ARMC2: variants seen among roughly 807,000 people sequenced by gnomAD.
ARMC2 encodes armadillo repeat-containing protein 2.
A neutral mutation model predicts 90.3 loss-of-function variants in ARMC2; 67 were observed. That is an observed-to-expected ratio of 0.74 (90% CI 0.61 to 0.91). The LOEUF is 0.91. Ranked by LOEUF, ARMC2 falls within the 40% of genes least tolerant of loss-of-function variation. The pLI, the probability that ARMC2 is intolerant of heterozygous loss-of-function variation, is 0.00. For missense variants in ARMC2, 920 were observed against 1,030.9 expected, an observed-to-expected ratio of 0.89 and a Z score of 1.47; for synonymous variants, 393 against 393.0, an observed-to-expected ratio of 1.00 and a Z score of 0.00.
the ARMC2 span, among the ~76,000 whole-genome samples, chr6:109,007,539 T>C: frequency 1.3e-5 from 2 of 152,200 alleles, no homozygotes; most frequent in Non-Finnish European, 2.9e-5. Flanking sequence ...GCATGTGTTT[T>C]TTGAAAAACA....
chr6:109,001,489 C>T, the ARMC2 span: 1 of 1,610,416 alleles, frequency 6.2e-7, no homozygotes, highest in Non-Finnish European at 8.5e-7. Flanking sequence ...CTTGGAGGAT[C>T]TGTATAAATG....
chr6:108,926,334 G>A (rs1775099553), intron 10 of ARMC2, among the ~76,000 whole-genome samples: 1 of 152,206 alleles, frequency 6.6e-6, no homozygotes, highest in Non-Finnish European at 1.5e-5. Context: ...TGCCTGGGCT[G>A]TCTCAGGAGA....
intron 10 of ARMC2, among the ~76,000 whole-genome samples, chr6:108,920,601 A>T (rs777682059): frequency 2.6e-5 from 4 of 152,216 alleles, no homozygotes; most frequent in African/African-American, 4.8e-5. Flanking sequence ...GAAGACTCAG[A>T]AACCTAAATA....
the ARMC2 span, among the ~76,000 whole-genome samples, chr6:109,046,780 G>A: frequency 7.3e-6 from 1 of 136,972 alleles, no homozygotes; most frequent in Admixed American, 7.1e-5. Context: ...CCGAGACCCC[G>A]TCTGGGAGGT....
the ARMC2 span, chr6:109,009,600 C>G: frequency 1.9e-6 from 2 of 1,043,076 alleles, no homozygotes; most frequent in Non-Finnish European, 2.3e-6. Context: ...CGGCCCCGCC[C>G]CGCGCCCGTC....
At chr6:108,890,767 T>C (rs1770934835) in intron 5 of ARMC2, among the ~76,000 whole-genome samples, 1 of 152,178 alleles carries the variant, frequency 6.6e-6, no homozygotes. Flanking sequence ...ATTGTTACTT[T>C]TTTAAAATTA....
chr6:108,926,967 T>G (rs1215624912), intron 10 of ARMC2, among the ~76,000 whole-genome samples: 1 of 151,690 alleles, frequency 6.6e-6, no homozygotes, highest in Non-Finnish European at 1.5e-5. Context: ...GGTAGTCAGT[T>G]ATATTTTAAT....
intron 3 of ARMC2, among the ~76,000 whole-genome samples, chr6:108,868,321 A>C (rs1477780921): frequency 6.6e-6 from 1 of 152,048 alleles, no homozygotes; most frequent in Admixed American, 6.5e-5. Flanking sequence ...GGTTCAAGCA[A>C]TTCTCCTGCC....
chr6:108,857,135 T>C (rs1774714045), intron 2 of ARMC2, among the ~76,000 whole-genome samples: 1 of 152,218 alleles, frequency 6.6e-6, no homozygotes, highest in South Asian at 2.1e-4. Context: ...TGCGATTGCA[T>C]TGAATCTATA....
chr6:108,921,708 ATGGCTTAGCTGAGGTTGGAAAATAG>A (rs1245315858), intron 10 of ARMC2, among the ~76,000 whole-genome samples: 2 of 152,206 alleles, frequency 1.3e-5, no homozygotes, highest in East Asian at 3.8e-4. Context: ...ATAGAGGGAG[ATGGCTTAGCTGAGGTTGGAAAATAG>A]TGGCTTTAGT....
At chr6:108,869,741 C>G (rs555528292) in intron 4 of ARMC2, among the ~76,000 whole-genome samples, 5 of 152,182 alleles carry the variant, frequency 3.3e-5, no homozygotes, top group Admixed American at 3.3e-4. Context: ...CTGAGAATTG[C>G]TGCCAGGCAC....
the ARMC2 span, chr6:109,001,419 G>A: frequency 2.3e-5 from 37 of 1,613,600 alleles, no homozygotes; most frequent in South Asian, 1.2e-4. Flanking sequence ...TTATCCAAAC[G>A]GCCCAAAGCA....
chr6:108,998,874 T>A, the ARMC2 span: 1 of 1,237,152 alleles, frequency 8.1e-7, no homozygotes, highest in Non-Finnish European at 1.1e-6. Context: ...TAGCATAAAA[T>A]TATCATTTGA....
intron 11 of ARMC2, among the ~76,000 whole-genome samples, chr6:108,932,793 G>T (rs1775681797): frequency 1.3e-5 from 2 of 152,116 alleles, no homozygotes; most frequent in Admixed American, 6.5e-5. Flanking sequence ...CTCCCAAAGT[G>T]CTGGGATTAC....
chr6:108,905,965 G>A (rs766460561), intron 8 of ARMC2, among the ~76,000 whole-genome samples: 2 of 152,140 alleles, frequency 1.3e-5, no homozygotes, highest in Non-Finnish European at 2.9e-5. Context: ...CTTAGGCCTT[G>A]GTGATGCGGT....
the ARMC2 span, among the ~76,000 whole-genome samples, chr6:109,021,630 C>T: frequency 4.0e-5 from 6 of 151,850 alleles, no homozygotes; most frequent in South Asian, 2.1e-4. Context: ...TTAGTGGAGA[C>T]GGGGTTTCAC....
intron 11 of ARMC2, among the ~76,000 whole-genome samples, chr6:108,935,354 A>G (rs1042691074): frequency 7.9e-5 from 12 of 152,034 alleles, no homozygotes; most frequent in Admixed American, 7.2e-4. Flanking sequence ...ATTTTAGTAA[A>G]AAACATGACT....
At chr6:109,011,095 A>G in the ARMC2 span, among the ~76,000 whole-genome samples, 40 of 152,358 alleles carry the variant, frequency 2.6e-4, no homozygotes, top group Non-Finnish European at 4.7e-4. Flanking sequence ...CTAGTAGGGC[A>G]TAATCTTAGT....
chr6:108,851,620 GC>G (rs925939748), intron 1 of ARMC2, among the ~76,000 whole-genome samples: 4 of 151,888 alleles, frequency 2.6e-5, no homozygotes, highest in Admixed American at 6.6e-5. Flanking sequence ...ATATATCATA[GC>G]TTTTTTTTTT....
Sources: allele counts gnomAD v4.1 joint callset (sites outside exome capture counted in the v4.1 genomes callset), GRCh38; gene constraint gnomAD v4.1.1; transcripts MANE v1.5; gene names NCBI Gene and HGNC (gene_info 2026-07-23, HGNC 2026-07-21).